Variants in SECTM1 observed in about 807,000 individuals in gnomAD.
The protein encoded by SECTM1 is secreted and transmembrane 1.
SECTM1 carries 10 observed loss-of-function variants against 18.1 expected under a neutral mutation model. The ratio of observed to expected loss-of-function variants is 0.55; its 90% CI spans 0.34 to 0.94. SECTM1 has a LOEUF of 0.94. SECTM1 is among the 40% of genes least tolerant of loss of function. The pLI is 0.02. For synonymous variants in SECTM1, 137 were observed against 139.2 expected (o/e 0.98, Z 0.11); for missense variants, 297 against 322.6 (o/e 0.92, Z 0.61).
At chr17:82,324,517 G>GCCCCCCCC in intron 3 of SECTM1, 65 bp downstream of exon 3, 1 of 604,114 alleles carries the variant, frequency 1.7e-6, no homozygotes, top group South Asian at 2.9e-5. Flanking sequence ...CCCTGCCCAG[G>GCCCCCCCC]CCCCCTCCCC....
Position 82,326,774 on chromosome 17 carries a change from G to A in SECTM1, c.94+373C>T, listed in dbSNP as rs1351930998. Among the ~76,000 whole-genome samples, 1 of 152,178 alleles carries A rather than the reference G, an allele frequency of 6.6e-6. No homozygotes were observed. Among genetic ancestry groups the A allele is most frequent in the Non-Finnish European group, 1.5e-5 (1 of 68,018 alleles). ...ACTAAGGAGCCCCCAGGCCAGGGCT[G>A]CTGTCTGTTCCCGGCCATGGCACAG... On this transcript the variant is annotated intron_variant, in intron 2 of 4. Transcript: ENST00000269389. This position sits in a 1 kb window ranked among gnomAD's most constrained non-coding sequence, Gnocchi z 4.3.
intron 3 of SECTM1, among the ~76,000 whole-genome samples, chr17:82,323,482 C>T (rs550200229): frequency 9.1e-5 from 9 of 98,882 alleles, no homozygotes; most frequent in Admixed American, 1.3e-4. Context: ...AGGTCGGAAC[C>T]GGGTGTGGTG....
rs746991844 is a variant in SECTM1, at chr17:82,324,725, G to A, written c.260C>T (p.Ser87Phe). Residue 87 changes from serine (S) to phenylalanine (F), a missense_variant, in exon 3 of 5, where the codon TCC becomes TTC. Physicochemically the swap from Ser to Phe is radical, Grantham distance 155. Coordinates refer to ENST00000269389, the MANE Select transcript of SECTM1 (RefSeq NM_003004.3). ...IFNEVAPGYF[S>F]RDGWQLQVQG... ...AACCTGGAGCTGCCAGCCGTCCCGG[G>A]AGAAGTAGCCTGGAGCCACCTCATT... is the stretch of plus-strand genomic sequence containing the variant. 14 of 1,614,052 alleles carry A rather than the reference G, an allele frequency of 8.7e-6. No homozygotes were observed. The highest frequency in any genetic ancestry group is 5.9e-6 in the Non-Finnish European group (7 of 1,180,036).
chr17:82,332,342 G>A (rs919232017), intron 1 of SECTM1, among the ~76,000 whole-genome samples: 2 of 129,812 alleles, frequency 1.5e-5, no homozygotes, highest in African/African-American at 7.3e-5. Flanking sequence ...TTCACGCACC[G>A]CCCAGCACGC....
Position 82,322,257 on chromosome 17 carries a change from G to A in SECTM1, c.651C>T (p.Thr217=). Residue 217 remains threonine, a synonymous_variant, in exon 5 of 5, where the codon ACC becomes ACT. Coordinates refer to ENST00000269389, the MANE Select transcript of SECTM1 (RefSeq NM_003004.3). ...AELWTPDSEP[T]PRPLALVFKP... ...TGAACACCAGTGCCAGCGGCCTTGG[G>A]GTGGGCTCGGAGTCTGGGGTCCACA... 1 of 1,607,384 alleles carries A rather than the reference G, an allele frequency of 6.2e-7. No homozygotes were observed. The highest frequency in any genetic ancestry group is 1.7e-5 in the Admixed American group (1 of 59,480).
intron 1 of SECTM1, among the ~76,000 whole-genome samples, chr17:82,332,758 T>C (rs533742248): frequency 6.6e-6 from 1 of 152,264 alleles, no homozygotes; most frequent in South Asian, 2.1e-4. Flanking sequence ...CCCTTCCTGC[T>C]CAGCACCTGT....
intron 3 of SECTM1, chr17:82,323,427 C>T (rs1214764205): frequency 5.7e-6 from 1 of 175,428 alleles, no homozygotes; most frequent in East Asian, 1.6e-4. Context: ...ACCAGATGCC[C>T]TGGGGGTGGA....
chr17:82,322,061 G>A lies in SECTM1; in HGVS notation c.*100C>T, dbSNP rs950343438. On this transcript the variant is annotated 3_prime_UTR_variant, in exon 5 of 5. Transcript: ENST00000269389. ...AGAGGCCCAGCCTGCCAAGCAAGCCGGTGTCTGTGCCCTCCGGGTGGGACG... is the reference window on the plus strand; with the variant it reads ...AGAGGCCCAGCCTGCCAAGCAAGCCAGTGTCTGTGCCCTCCGGGTGGGACG... 2.2e-5 allele frequency: 26 copies of A among 1,177,634 alleles called. No individual in the cohort carries two copies. The highest frequency in any genetic ancestry group is 4.5e-5 in the African/African-American group (3 of 65,954). The allele number at this position is 1,177,634 out of a possible 1,614,324, so 72.9% of individuals were successfully genotyped here. A position where few individuals can be genotyped will look rare whatever the true frequency, so the allele number is the denominator to read the frequency against.
chr17:82,332,002 C>T (rs1212491454), intron 1 of SECTM1, among the ~76,000 whole-genome samples: 2 of 151,970 alleles, frequency 1.3e-5, no homozygotes, highest in African/African-American at 2.4e-5. Flanking sequence ...ATTAGCCGGG[C>T]GTGGTGGTGC....
chr17:82,330,801 G>T lies in SECTM1; in HGVS notation c.-53+2899C>A, dbSNP rs1041104499. Among the ~76,000 whole-genome samples, 1 of 152,116 alleles carries T rather than the reference G, an allele frequency of 6.6e-6. No homozygotes were observed. Among genetic ancestry groups the T allele is most frequent in the South Asian group, 2.1e-4 (1 of 4,818 alleles). ...GCTTCCTGAAGACCTGGGGCCCTGG[G>T]CTGCAGTGGTTGGGGAGAGGGGGGT... On this transcript the variant is annotated intron_variant, in intron 1 of 4. Transcript: ENST00000269389. This position sits in a 1 kb window ranked among gnomAD's most constrained non-coding sequence, Gnocchi z 6.1.
At chr17:82,323,556 G>A (rs1487027807) in intron 3 of SECTM1, among the ~76,000 whole-genome samples, 1 of 150,898 alleles carries the variant, frequency 6.6e-6, no homozygotes, top group Non-Finnish European at 1.5e-5. Context: ...GAGGGGAGGG[G>A]TGGGGAGTGG....
In SECTM1 at chr17:82,324,555, C is replaced by G. The variant is rs768529615; in HGVS notation, c.403+27G>C. 26 of 1,568,400 alleles carry G rather than the reference C, an allele frequency of 1.7e-5. No homozygotes were observed. The African/African-American group carries it at 2.4e-4, about 15-fold the overall frequency. ...CCCGTGTCCCCTCTCACTCCCCTCC[C>G]CCTTGCTTCCCCGAGCCTCCCCTCA... On this transcript the variant is annotated intron_variant, in intron 3 of 4. Coordinates refer to ENST00000269389, the MANE Select transcript of SECTM1 (RefSeq NM_003004.3).
At chr17:82,324,382 G>C (rs1464669161) in intron 3 of SECTM1, among the ~76,000 whole-genome samples, 200 bp downstream of exon 3, 1 of 151,932 alleles carries the variant, frequency 6.6e-6, no homozygotes, top group Non-Finnish European at 1.5e-5. Flanking sequence ...CCCTCCCAAA[G>C]GAAGAACTGT....
rs896256071 is a variant in SECTM1, at chr17:82,325,494, C to T, written c.95-604G>A. Among the ~76,000 whole-genome samples the T allele has an allele frequency of 5.9e-5, 9 of 152,236 alleles. No individual in the cohort carries two copies. The highest frequency in any genetic ancestry group is 2.2e-4 in the African/African-American group (9 of 41,456). On this transcript the variant is annotated intron_variant, in intron 2 of 4. Transcript: ENST00000269389. This position sits in a 1 kb window ranked among gnomAD's most constrained non-coding sequence, Gnocchi z 7.6. ...GCCTGCTTGTGCCACCCCCAACATTCCCTTTCCCCTCCCGGCCACCCGCTC... is the reference window on the plus strand; with the variant it reads ...GCCTGCTTGTGCCACCCCCAACATTTCCTTTCCCCTCCCGGCCACCCGCTC...
At chr17:82,323,988 G>A (rs2052122348) in intron 3 of SECTM1, among the ~76,000 whole-genome samples, 1 of 151,988 alleles carries the variant, frequency 6.6e-6, no homozygotes, top group Non-Finnish European at 1.5e-5. Context: ...GGAGTGGGAG[G>A]GGCGGGGCAG....
chr17:82,331,408 A>G (rs4789763), intron 1 of SECTM1, among the ~76,000 whole-genome samples: 55,866 of 151,994 alleles, frequency 0.37, 12,745 homozygotes, highest in East Asian at 0.55. Context: ...TGCTCCGTTT[A>G]TCAGAAGAAA....
chr17:82,331,666 G>A (rs1012535362), intron 1 of SECTM1, among the ~76,000 whole-genome samples: 3 of 152,256 alleles, frequency 2.0e-5, no homozygotes, highest in Non-Finnish European at 4.4e-5. Flanking sequence ...GACCAGAGGC[G>A]TGGGCTTGAG....
At chr17:82,327,534 G>A (rs921128290) in intron 1 of SECTM1, among the ~76,000 whole-genome samples, 5 of 152,196 alleles carry the variant, frequency 3.3e-5, no homozygotes, top group African/African-American at 7.2e-5. Flanking sequence ...GCAGCACAGC[G>A]GGGACCCCAT....
At chr17:82,333,270 G>A (rs1264769221) in intron 1 of SECTM1, among the ~76,000 whole-genome samples, 1 of 152,218 alleles carries the variant, frequency 6.6e-6, no homozygotes, top group Admixed American at 6.5e-5. Context: ...GCCGAGGACC[G>A]GGAAGGGAGG....
Sources: gnomAD v4.1 joint callset for allele counts (sites outside exome capture counted in the v4.1 genomes callset) on GRCh38, gnomAD v4.1.1 for gene constraint, Gnocchi (gnomAD v3.1) non-coding constraint, MANE v1.5 for transcripts, NCBI Gene and HGNC (gene_info 2026-07-23, HGNC 2026-07-21) for gene names.